Variants in SLC35F3 observed in about 807,000 individuals in gnomAD.
SLC35F3 encodes putative thiamine transporter SLC35F3.
In SLC35F3, 25 loss-of-function variants were observed where a neutral mutation model predicts 49.9. The ratio of observed to expected loss-of-function variants is 0.50; its 90% CI spans 0.37 to 0.70. The LOEUF (loss-of-function observed/expected upper bound fraction) is 0.70. Ranked by LOEUF, SLC35F3 falls within the 30% of genes least tolerant of loss-of-function variation. The pLI, the probability that SLC35F3 is intolerant of heterozygous loss-of-function variation, is 0.00. For missense variants in SLC35F3, 525 were observed against 639.8 expected, an observed-to-expected ratio of 0.82 and a Z score of 1.94; for synonymous variants, 275 against 265.4, an observed-to-expected ratio of 1.04 and a Z score of -0.35.
At position 234,323,243 on chromosome 1, in the gene SLC35F3, A is replaced by G; in HGVS notation, c.1473A>G (p.Ter491=). ...NRRARPSFAR[*] is the part of the protein sequence containing the mutation. ...GAGCCCGCCCTTCCTTCGCCCGCTA[A>G]CACCACTCCTCTAGAACTCGGTGGT... is the stretch of plus-strand genomic sequence containing the variant. The change falls in exon 8 of 8, where the codon TAA becomes TAG. Residue 491 remains the stop codon, a stop_retained_variant. Coordinates refer to ENST00000366618, the MANE Select transcript of SLC35F3 (RefSeq NM_173508.4). This position sits in a 1 kb window ranked among gnomAD's most constrained non-coding sequence, Gnocchi z 4.5. The G allele has an allele frequency of 6.2e-7, 1 of 1,612,880 alleles. No individual in the cohort carries two copies. Among genetic ancestry groups the G allele is most frequent in the Middle Eastern group, 1.6e-4 (1 of 6,062 alleles).
chr1:234,181,338 GAAAAAAA>G (rs34757532), intron 2 of SLC35F3, among the ~76,000 whole-genome samples: 4 of 97,286 alleles, frequency 4.1e-5, no homozygotes, highest in Admixed American at 2.1e-4. Context: ...TCTGTCTCAA[GAAAAAAA>G]AAAAAAAAAA....
At chr1:234,122,472 T>G (rs1665590402) in intron 2 of SLC35F3, among the ~76,000 whole-genome samples, 2 of 152,236 alleles carry the variant, frequency 1.3e-5, no homozygotes, top group Non-Finnish European at 2.9e-5. Context: ...AAAATTTTAC[T>G]TTAAGTTCCA....
At position 234,318,944 on chromosome 1, in the gene SLC35F3, G is replaced by A. The variant is rs927492898; in HGVS notation, c.1147+1G>A. The stretch of plus-strand genomic sequence containing the variant: ...TGTGGATTTTCAGTTCTTTTATTGA[G>A]TAAGTGCTAATCACCTGTCCAGAAT... On this transcript the variant is annotated splice_donor_variant, in intron 6 of 7. Coordinates refer to ENST00000366618, the MANE Select transcript of SLC35F3 (RefSeq NM_173508.4). LOFTEE classifies it high-confidence loss of function. The A allele has an allele frequency of 1.2e-6, 2 of 1,613,254 alleles. No homozygotes were observed. The highest frequency in any genetic ancestry group is 1.7e-6 in the Non-Finnish European group (2 of 1,179,538).
At chr1:234,184,681 G>T (rs913871275) in intron 2 of SLC35F3, among the ~76,000 whole-genome samples, 9 of 152,146 alleles carry the variant, frequency 5.9e-5, no homozygotes, top group African/African-American at 2.2e-4. Flanking sequence ...AGTTTCCAGG[G>T]CCTCTACATA....
At position 234,231,419 on chromosome 1, in the gene SLC35F3, G is replaced by T; in HGVS notation, c.286G>T (p.Glu96Ter). 1 of 1,550,200 alleles carries T rather than the reference G, an allele frequency of 6.5e-7. No individual in the cohort carries two copies. Among genetic ancestry groups the T allele is most frequent in the Non-Finnish European group, 8.7e-7 (1 of 1,151,190 alleles). The change falls in exon 3 of 8, where the codon GAG (glutamate) becomes TAG (stop). Residue 96 changes from glutamate (E) to a stop codon, truncating the protein, a stop_gained and splice_region_variant. Transcript: ENST00000366618. LOFTEE classifies it high-confidence loss of function. This position sits in a 1 kb window ranked among gnomAD's most constrained non-coding sequence, Gnocchi z 5.4. ...AACCACGCCCTTCTCTTCCCCAGGG[G>T]AGGAGCGCCCCCGGGACTCCCCGGG... ...YQPWAASCKR[E>*]ERPRDSPGPA...
intron 2 of SLC35F3, among the ~76,000 whole-genome samples, chr1:234,131,673 T>C (rs1665738770): frequency 6.6e-6 from 1 of 152,188 alleles, no homozygotes; most frequent in Non-Finnish European, 1.5e-5. Flanking sequence ...GAGCACGTCG[T>C]AAACAAACTA....
chr1:233,997,257 G>T (rs1006138546), intron 2 of SLC35F3, among the ~76,000 whole-genome samples: 13 of 151,890 alleles, frequency 8.6e-5, no homozygotes, highest in Middle Eastern at 3.2e-3. Context: ...ATTTCCTTTG[G>T]GTATATATCC....
At chr1:234,019,989 CTG>C (rs1663866625) in intron 2 of SLC35F3, among the ~76,000 whole-genome samples, 1 of 152,134 alleles carries the variant, frequency 6.6e-6, no homozygotes, top group Admixed American at 6.5e-5. Flanking sequence ...GGCCTGATAA[CTG>C]TTGATCCAGG....
At chr1:234,158,191 G>A (rs915718480) in intron 2 of SLC35F3, among the ~76,000 whole-genome samples, 1 of 152,142 alleles carries the variant, frequency 6.6e-6, no homozygotes, top group African/African-American at 2.4e-5. Context: ...CCGTTAAATC[G>A]TGTTAGTCCT....
At chr1:234,029,859 C>T (rs1207582551) in intron 2 of SLC35F3, among the ~76,000 whole-genome samples, 1 of 151,972 alleles carries the variant, frequency 6.6e-6, no homozygotes, top group Non-Finnish European at 1.5e-5. Flanking sequence ...GAGACTCTGT[C>T]TCAAATAATA....
chr1:233,953,172 T>TAATA (rs925052435), intron 2 of SLC35F3, among the ~76,000 whole-genome samples: 2 of 151,992 alleles, frequency 1.3e-5, no homozygotes, highest in African/African-American at 4.8e-5. Context: ...GTGAGAATAA[T>TAATA]GGCCAATAAT....
chr1:233,960,242 T>C (rs936549270), intron 2 of SLC35F3, among the ~76,000 whole-genome samples: 3 of 152,194 alleles, frequency 2.0e-5, no homozygotes, highest in African/African-American at 7.2e-5. Flanking sequence ...AGCTGTACCC[T>C]CATTTCTGCC....
chr1:234,236,091 C>T (rs933657946), intron 3 of SLC35F3, among the ~76,000 whole-genome samples: 2 of 151,892 alleles, frequency 1.3e-5, no homozygotes, highest in African/African-American at 4.8e-5. Context: ...GGGGGAAGGC[C>T]CAGATACATG....
intron 3 of SLC35F3, among the ~76,000 whole-genome samples, chr1:234,254,873 C>A (rs569318668): frequency 6.6e-6 from 1 of 152,304 alleles, no homozygotes; most frequent in South Asian, 2.1e-4. Flanking sequence ...TGTTTTAGTT[C>A]ATCATTGCCA....
intron 2 of SLC35F3, among the ~76,000 whole-genome samples, chr1:234,028,559 A>G (rs1434015330): frequency 6.6e-6 from 1 of 152,196 alleles, no homozygotes; most frequent in Non-Finnish European, 1.5e-5. Context: ...GACTGGGGCA[A>G]GCATAGCTCC....
chr1:234,151,086 G>A (rs752988749), intron 2 of SLC35F3, among the ~76,000 whole-genome samples: 9 of 152,178 alleles, frequency 5.9e-5, no homozygotes, highest in Non-Finnish European at 1.3e-4. Context: ...GCCCAGCAGA[G>A]CTCCCTCCTG....
intron 2 of SLC35F3, among the ~76,000 whole-genome samples, chr1:234,014,609 G>C (rs1663775008): frequency 6.6e-6 from 1 of 152,092 alleles, no homozygotes; most frequent in South Asian, 2.1e-4. Flanking sequence ...ACTGTTAGAA[G>C]TAATAAATGC....
rs557905745 is a variant in SLC35F3, at chr1:233,959,922, T to C, written c.283+54164T>C. ...TGAGACCTGGAGTGCCCAACTTCTC[T>C]TTCAGGATGCTTTCCACATCCTCAC... On this transcript the variant is annotated intron_variant, in intron 2 of 7. Coordinates refer to ENST00000366618, the MANE Select transcript of SLC35F3 (RefSeq NM_173508.4). 4.6e-5 allele frequency among the ~76,000 whole-genome samples: 7 copies of C among 152,348 alleles called. No individual in the cohort carries two copies. The East Asian group carries it at 1.3e-3, about 29-fold the overall frequency.
intron 2 of SLC35F3, among the ~76,000 whole-genome samples, chr1:234,075,964 T>C (rs1449730095): frequency 1.3e-5 from 2 of 152,178 alleles, no homozygotes; most frequent in Non-Finnish European, 2.9e-5. Flanking sequence ...ATTTAAATAT[T>C]GAAGCCCTGG....
Sources: allele counts gnomAD v4.1 joint callset (sites outside exome capture counted in the v4.1 genomes callset), GRCh38; gene constraint gnomAD v4.1.1; non-coding constraint Gnocchi (gnomAD v3.1); transcripts MANE v1.5; gene names NCBI Gene and HGNC (gene_info 2026-07-23, HGNC 2026-07-21).